The following MYLK4 variants were observed in gnomAD, a reference collection of about 807,000 sequenced individuals.
MYLK4 encodes caMLCK like.
MYLK4 carries 46 observed loss-of-function variants against 48.1 expected under a neutral mutation model. That is an observed-to-expected ratio of 0.96 (90% CI 0.75 to 1.22). The LOEUF (loss-of-function observed/expected upper bound fraction) is 1.22. Ranked by LOEUF, MYLK4 falls within the 50% of genes most tolerant of loss-of-function variation. The pLI is 0.00. For synonymous variants in MYLK4, 170 were observed against 180.8 expected, an observed-to-expected ratio of 0.94 and a Z score of 0.48; for missense variants, 451 against 486.1, an observed-to-expected ratio of 0.93 and a Z score of 0.68.
intron 2 of MYLK4, among the ~76,000 whole-genome samples, chr6:2,737,096 C>G (rs922804631): frequency 6.6e-6 from 1 of 152,166 alleles, no homozygotes; most frequent in African/African-American, 2.4e-5. Context: ...GGGCAGATCA[C>G]GAGGTCAAGA....
chr6:2,768,793 A>T, the MYLK4 span: 1 of 1,614,072 alleles, frequency 6.2e-7, no homozygotes, highest in Non-Finnish European at 8.5e-7. Flanking sequence ...GCGAGATGTC[A>T]TAAAACAAGC....
At chr6:2,729,016 A>T (rs890956341) in intron 2 of MYLK4, among the ~76,000 whole-genome samples, 1 of 152,118 alleles carries the variant, frequency 6.6e-6, no homozygotes, top group Non-Finnish European at 1.5e-5. Flanking sequence ...CTATGTGTAC[A>T]CACATGCCAT....
At chr6:2,733,261 T>C (rs973208906) in intron 2 of MYLK4, among the ~76,000 whole-genome samples, 6 of 152,220 alleles carry the variant, frequency 3.9e-5, no homozygotes, top group African/African-American at 1.4e-4. Flanking sequence ...GAGAACCAAA[T>C]TTTTATCCCC....
chr6:2,763,341 G>A, the MYLK4 span, among the ~76,000 whole-genome samples: 1 of 152,242 alleles, frequency 6.6e-6, no homozygotes, highest in Non-Finnish European at 1.5e-5. Context: ...AGCCTGCATT[G>A]CTCAGCTCTG....
chr6:2,688,651 A>G (rs911984859), intron 4 of MYLK4, among the ~76,000 whole-genome samples, 200 bp downstream of exon 4: 4 of 152,222 alleles, frequency 2.6e-5, no homozygotes, highest in African/African-American at 9.6e-5. Context: ...CATGGGAAGT[A>G]AAGCAGATAA....
the MYLK4 span, chr6:2,766,240 C>T: frequency 6.1e-6 from 9 of 1,464,818 alleles, no homozygotes; most frequent in East Asian, 1.6e-4. Context: ...GTGGCGGGGG[C>T]CGCCCGCACC....
chr6:2,747,678 C>A (rs1378892825), intron 2 of MYLK4, among the ~76,000 whole-genome samples: 2 of 152,112 alleles, frequency 1.3e-5, no homozygotes, highest in Non-Finnish European at 2.9e-5. Context: ...GAGTGTTGCC[C>A]ATTTATAAAA....
chr6:2,761,765 G>A, the MYLK4 span, among the ~76,000 whole-genome samples: 1 of 152,084 alleles, frequency 6.6e-6, no homozygotes, highest in South Asian at 2.1e-4. Context: ...CATCCAAATA[G>A]CTCAACTTCA....
chr6:2,684,659 AG>A (rs1761456936), intron 6 of MYLK4, among the ~76,000 whole-genome samples: 1 of 152,230 alleles, frequency 6.6e-6, no homozygotes, highest in Non-Finnish European at 1.5e-5. Context: ...TAAAAAATAC[AG>A]TATAACAACT....
intron 3 of MYLK4, among the ~76,000 whole-genome samples, chr6:2,691,089 T>A (rs112830186): frequency 6.6e-6 from 1 of 152,068 alleles, no homozygotes; most frequent in Non-Finnish European, 1.5e-5. Flanking sequence ...CTCAGCCTCC[T>A]AAAGTGCTGG....
chr6:2,704,034 C>T (rs76854264), intron 2 of MYLK4, among the ~76,000 whole-genome samples: 1,867 of 152,278 alleles, frequency 0.012, 32 homozygotes, highest in African/African-American at 0.042. Flanking sequence ...CACACATCTT[C>T]GTGGATTTAT....
chr6:2,722,816 C>T lies in MYLK4; in HGVS notation c.159+26320G>A, dbSNP rs564530800. 3.9e-5 allele frequency among the ~76,000 whole-genome samples: 6 copies of T among 151,904 alleles called. No homozygotes were observed. In the East Asian group the frequency reaches 7.7e-4, roughly 20 times the overall value. Reference sequence around the variant, plus strand: ...CTCTTCAAATTATGTAAATGGATAACGAATATAAAAATACAAAGATTTTTA... The same window carrying T: ...CTCTTCAAATTATGTAAATGGATAATGAATATAAAAATACAAAGATTTTTA... On this transcript the variant is annotated intron_variant, in intron 2 of 12. Transcript: ENST00000274643.
intron 2 of MYLK4, among the ~76,000 whole-genome samples, chr6:2,738,437 C>T (rs1763776681): frequency 6.6e-6 from 1 of 152,204 alleles, no homozygotes; most frequent in African/African-American, 2.4e-5. Context: ...TCATTAGTTC[C>T]AGTGTAGTCT....
intron 2 of MYLK4, among the ~76,000 whole-genome samples, chr6:2,740,702 G>A (rs147569197): frequency 1.1e-4 from 16 of 152,316 alleles, no homozygotes; most frequent in East Asian, 3.9e-4. Context: ...GAATGACATC[G>A]TAGAGACATG....
At chr6:2,718,414 T>C (rs952977209) in intron 2 of MYLK4, among the ~76,000 whole-genome samples, 16 of 152,132 alleles carry the variant, frequency 1.1e-4, no homozygotes, top group South Asian at 2.1e-4. Context: ...AAAAACTACA[T>C]CCTTTAGCCT....
the MYLK4 span, chr6:2,766,124 G>A: frequency 1.4e-5 from 19 of 1,326,470 alleles, no homozygotes; most frequent in East Asian, 2.5e-4. Context: ...GGAGGAGGAG[G>A]CCGTGGGCGA....
chr6:2,736,978 A>G (rs1195665408), intron 2 of MYLK4, among the ~76,000 whole-genome samples: 1 of 152,242 alleles, frequency 6.6e-6, no homozygotes, highest in Non-Finnish European at 1.5e-5. Context: ...GCGTTCCTCC[A>G]ATAAAATAGT....
intron 2 of MYLK4, among the ~76,000 whole-genome samples, chr6:2,739,326 G>C (rs1027075706): frequency 3.3e-5 from 5 of 152,178 alleles, no homozygotes; most frequent in Admixed American, 2.6e-4. Context: ...CAGAATCTAG[G>C]CATAAATATT....
At chr6:2,682,901 T>C (rs2113126403) in intron 7 of MYLK4, 120 bp downstream of exon 7, 1 of 1,070,418 alleles carries the variant, frequency 9.3e-7, no homozygotes, top group East Asian at 2.4e-5. Context: ...ACAATTCAGA[T>C]GTTTATTCAT....
Sources: allele counts gnomAD v4.1 joint callset (sites outside exome capture counted in the v4.1 genomes callset), GRCh38; gene constraint gnomAD v4.1.1; transcripts MANE v1.5; gene names NCBI Gene and HGNC (gene_info 2026-07-23, HGNC 2026-07-21).